Variants in ZBBX observed in about 807,000 individuals in gnomAD.
ZBBX encodes zinc finger B-box domain-containing protein 1.
Under a neutral mutation model 108.5 loss-of-function variants are expected in ZBBX, and 101 were observed. That is an observed-to-expected ratio of 0.93 (90% CI 0.79 to 1.10). The LOEUF (loss-of-function observed/expected upper bound fraction) is 1.10, where lower values mean the gene tolerates loss of function less well. Among genes scored for constraint, ZBBX ranks in the 50% least tolerant of loss-of-function variants. The pLI is 0.00. For missense variants in ZBBX, 1,009 were observed against 941.4 expected (o/e 1.07, Z -0.94); for synonymous variants, 356 against 323.4 (o/e 1.10, Z -1.08).
chr3:167,261,975 G>T (rs571337895), intron 20 of ZBBX, among the ~76,000 whole-genome samples: 10 of 152,264 alleles, frequency 6.6e-5, no homozygotes, highest in South Asian at 4.1e-4. Flanking sequence ...TCCCTGTGGT[G>T]CAGGCAGGAA....
chr3:167,281,682 C>A (rs563683878), intron 20 of ZBBX, among the ~76,000 whole-genome samples: 1 of 152,104 alleles, frequency 6.6e-6, no homozygotes, highest in Non-Finnish European at 1.5e-5. Flanking sequence ...AAATAAAATG[C>A]GCAAGTATAA....
In ZBBX at chr3:167,298,379, G is replaced by T; in HGVS notation, c.1805C>A (p.Thr602Lys). Residue 602 changes from threonine to lysine, a missense_variant, in exon 18 of 22, where the codon ACA becomes AAA. Coordinates refer to ENST00000675490, the MANE Select transcript of ZBBX (RefSeq NM_001199201.2). ...AGGAAGTAAGTTGAGTCTTTCATTT[G>T]TATCAAAAATAAAGAATCTCTCAAG... is the stretch of plus-strand genomic sequence containing the variant. ...QGLERFFIFDTNERLNLLPSH... is the reference protein window; with the variant it reads ...QGLERFFIFDKNERLNLLPSH... The T allele has an allele frequency of 1.3e-6, 2 of 1,598,220 alleles. No homozygotes were observed. The highest frequency in any genetic ancestry group is 1.7e-6 in the Non-Finnish European group (2 of 1,170,258).
At chr3:167,246,349 T>C (rs1179166962) in intron 20 of ZBBX, among the ~76,000 whole-genome samples, 5 of 152,240 alleles carry the variant, frequency 3.3e-5, no homozygotes, top group Admixed American at 2.0e-4. Flanking sequence ...TTGTGAACTA[T>C]AAATCCTGAT....
intron 16 of ZBBX, among the ~76,000 whole-genome samples, chr3:167,310,870 T>G (rs562314265): frequency 2.0e-5 from 3 of 152,216 alleles, no homozygotes; most frequent in Non-Finnish European, 4.4e-5. Context: ...TAGAGAAATA[T>G]TCTATGTTCA....
At chr3:167,336,412 C>G (rs1316391504) in intron 9 of ZBBX, among the ~76,000 whole-genome samples, 1 of 152,062 alleles carries the variant, frequency 6.6e-6, no homozygotes, top group Non-Finnish European at 1.5e-5. Flanking sequence ...TTTTCTAGAA[C>G]ATCATACTCT....
In ZBBX at chr3:167,315,747, TA is replaced by T; in HGVS notation, c.1274+2del. 4 of 1,603,630 alleles carry T rather than the reference TA, an allele frequency of 2.5e-6. No homozygotes were observed. The highest frequency in any genetic ancestry group is 3.4e-6 in the Non-Finnish European group (4 of 1,173,928). On this transcript the variant is annotated splice_donor_variant, in intron 15 of 21. Coordinates refer to ENST00000675490, the MANE Select transcript of ZBBX (RefSeq NM_001199201.2). LOFTEE classifies it high-confidence loss of function. ...CACACAAAGTTAATTAGAAAGGTTT[TA>T]CCTTCGTTGACTGTCTGCATCAGCT...
chr3:167,304,044 C>T (rs374835407), intron 17 of ZBBX, among the ~76,000 whole-genome samples: 14 of 152,130 alleles, frequency 9.2e-5, no homozygotes, highest in African/African-American at 2.9e-4. Flanking sequence ...AAATATATTT[C>T]GAATGTTAGA....
At chr3:167,379,481 T>G (rs1302201595) in intron 2 of ZBBX, among the ~76,000 whole-genome samples, 157 bp downstream of exon 2, 1 of 152,144 alleles carries the variant, frequency 6.6e-6, no homozygotes, top group Non-Finnish European at 1.5e-5. Context: ...TAAGCTAAAT[T>G]GGAGAAAGGC....
At chr3:167,354,451 G>A (rs1416591020) in intron 8 of ZBBX, among the ~76,000 whole-genome samples, 2 of 151,784 alleles carry the variant, frequency 1.3e-5, no homozygotes, top group Non-Finnish European at 2.9e-5. Flanking sequence ...TGTTTTTCAA[G>A]TGTGATTAGC....
the ZBBX span, among the ~76,000 whole-genome samples, chr3:167,221,907 G>A: frequency 6.6e-6 from 1 of 151,850 alleles, no homozygotes; most frequent in Non-Finnish European, 1.5e-5. Context: ...CCAAAAGACA[G>A]GCAATAACAA....
At chr3:167,252,192 AAAG>A (rs996821259) in intron 20 of ZBBX, 9 of 1,289,526 alleles carry the variant, frequency 7.0e-6, no homozygotes, top group African/African-American at 3.0e-5. Context: ...TAGAACTTAG[AAAG>A]AAGAAGTGGA....
intron 1 of ZBBX, among the ~76,000 whole-genome samples, chr3:167,386,200 G>T (rs1026718689): frequency 6.6e-6 from 1 of 151,970 alleles, no homozygotes; most frequent in African/African-American, 2.4e-5. Context: ...AGAGAAGGAA[G>T]CAAAGATGAG....
In ZBBX at chr3:167,366,060, A is replaced by C. The variant is rs1745272546; in HGVS notation, c.183-84T>G. 2.9e-6 allele frequency: 3 copies of C among 1,031,312 alleles called. No homozygotes were observed. The East Asian group carries it at 7.9e-5, about 27-fold the overall frequency. 63.9% of individuals were successfully genotyped at this position (1,031,312 alleles called of 1,614,324 possible). ...AAAAGAAATACAGTGTTCCTGTTTC[A>C]GAAAATGGAAATTCAGTTGTTAACA... is the stretch of plus-strand genomic sequence containing the variant. On this transcript the variant is annotated intron_variant, in intron 5 of 21. Coordinates refer to ENST00000675490, the MANE Select transcript of ZBBX (RefSeq NM_001199201.2).
chr3:167,226,409 A>C, the ZBBX span, among the ~76,000 whole-genome samples: 1 of 151,780 alleles, frequency 6.6e-6, no homozygotes, highest in South Asian at 2.1e-4. Flanking sequence ...CTTATTATTA[A>C]GCAAAGAGTA....
intron 19 of ZBBX, among the ~76,000 whole-genome samples, chr3:167,282,870 T>C (rs942722459): frequency 1.3e-5 from 2 of 152,082 alleles, no homozygotes; most frequent in African/African-American, 4.8e-5. Context: ...TCCAGGACAA[T>C]ACCAAACTTA....
At chr3:167,269,894 T>C (rs965103075) in intron 20 of ZBBX, among the ~76,000 whole-genome samples, 2 of 152,166 alleles carry the variant, frequency 1.3e-5, no homozygotes, top group South Asian at 2.1e-4. Flanking sequence ...TAGCTGAAGA[T>C]AGCTGAGGCA....
intron 8 of ZBBX, among the ~76,000 whole-genome samples, chr3:167,358,914 C>A (rs1165436187): frequency 1.9e-5 from 2 of 106,614 alleles, no homozygotes; most frequent in East Asian, 6.0e-4. Flanking sequence ...CCAGCCTGGG[C>A]AACAGAGCAA....
At chr3:167,350,050 A>G (rs1742358172) in intron 9 of ZBBX, among the ~76,000 whole-genome samples, 1 of 151,996 alleles carries the variant, frequency 6.6e-6, no homozygotes, top group Non-Finnish European at 1.5e-5. Flanking sequence ...AATAAACTTG[A>G]AAACATAAGA....
intron 9 of ZBBX, among the ~76,000 whole-genome samples, chr3:167,346,273 G>C (rs1741439735): frequency 6.6e-6 from 1 of 151,870 alleles, no homozygotes; most frequent in Admixed American, 6.6e-5. Context: ...ACAGAGGTTG[G>C]AAAAGGCAAA....
Sources: allele counts gnomAD v4.1 joint callset (sites outside exome capture counted in the v4.1 genomes callset), GRCh38; gene constraint gnomAD v4.1.1; transcripts MANE v1.5; gene names NCBI Gene and HGNC (gene_info 2026-07-23, HGNC 2026-07-21).